Variants in DYNC1H1 observed in about 807,000 individuals in gnomAD.
DYNC1H1 encodes dynein cytoplasmic 1 heavy chain 1.
DYNC1H1 carries 51 observed loss-of-function variants against 527.1 expected under a neutral mutation model. The observed-to-expected ratio is 0.10, with a 90% CI of 0.08 to 0.12. The LOEUF (loss-of-function observed/expected upper bound fraction) is 0.12, where lower values mean the gene tolerates loss of function less well. DYNC1H1 is among the 10% of genes least tolerant of loss of function. The pLI, the probability that DYNC1H1 is intolerant of heterozygous loss-of-function variation, is 1.00. For synonymous variants in DYNC1H1, 2,189 were observed against 2,278.8 expected (o/e 0.96, Z 1.12); for missense variants, 2,771 against 5,971.8 (o/e 0.46, Z 17.66).
rs1035588666 is a variant in DYNC1H1 at position 102,000,939 on chromosome 14, T to A, written c.4075-15T>A. Reference sequence around the variant, plus strand: ...TGTTGGCAAGCTAAATAGCATCTTATGTTTCTCTCGACAGCTTCGACAAAA... The same window carrying A: ...TGTTGGCAAGCTAAATAGCATCTTAAGTTTCTCTCGACAGCTTCGACAAAA... On this transcript the variant is annotated splice_polypyrimidine_tract_variant and intron_variant, in intron 18 of 77. Transcript: ENST00000360184. The A allele has an allele frequency of 1.2e-6, 2 of 1,606,640 alleles. No homozygotes were observed. Among genetic ancestry groups the A allele is most frequent in the African/African-American group, 2.7e-5 (2 of 74,772 alleles).
chr14:101,978,977 A>G (rs1403504049), intron 2 of DYNC1H1, among the ~76,000 whole-genome samples: 2 of 152,242 alleles, frequency 1.3e-5, no homozygotes, highest in South Asian at 4.1e-4. Flanking sequence ...TATCACCTTA[A>G]CCAGTGAGCA....
chr14:102,026,843 CTCT>C, intron 44 of DYNC1H1, 136 bp downstream of exon 44: 1 of 1,320,094 alleles, frequency 7.6e-7, no homozygotes, highest in Non-Finnish European at 1.1e-6. Flanking sequence ...CTTCCCCCTT[CTCT>C]TCTTTCTAAG....
chr14:102,047,856 T>C lies in DYNC1H1; in HGVS notation c.13046T>C (p.Leu4349Ser). 1 of 1,613,260 alleles carries C rather than the reference T, an allele frequency of 6.2e-7. No homozygotes were observed. The highest frequency in any genetic ancestry group is 8.5e-7 in the Non-Finnish European group (1 of 1,179,940). The change falls in exon 73 of 78, where the codon TTG (leucine) becomes TCG (serine). Residue 4349 changes from leucine to serine, a missense_variant. Coordinates refer to ENST00000360184, the MANE Select transcript of DYNC1H1 (RefSeq NM_001376.5). ...AGTAAAATGCTGAAGATGCAGATGT[T>C]GGAGGATGAGGACGACCTGGCCTAC... ...MISKMLKMQM[L>S]EDEDDLAYAE...
rs1394014916 is a variant in DYNC1H1 at position 102,005,278 on chromosome 14, T to TA, written c.5433+43dup. On this transcript the variant is annotated intron_variant, in intron 26 of 77. Coordinates refer to ENST00000360184, the MANE Select transcript of DYNC1H1 (RefSeq NM_001376.5). This position sits in a 1 kb window ranked among gnomAD's most constrained non-coding sequence, Gnocchi z 4.0. The stretch of plus-strand genomic sequence containing the variant: ...ACTCCTTCCTTACCAGTTAGACTCT[T>TA]ACACCCTCAACCACACAGTTAAATG... 2 of 1,610,372 alleles carry TA rather than the reference T, an allele frequency of 1.2e-6. No homozygotes were observed. Among genetic ancestry groups the TA allele is most frequent in the African/African-American group, 2.7e-5 (2 of 74,876 alleles).
chr14:102,030,404 TATC>T, intron 51 of DYNC1H1, 122 bp downstream of exon 51: 1 of 1,453,040 alleles, frequency 6.9e-7, no homozygotes, highest in South Asian at 1.2e-5. Flanking sequence ...TTTCCAAAAA[TATC>T]ATTAGTAACC....
In DYNC1H1 at chr14:102,022,983, C is replaced by T. The variant is rs563892616; in HGVS notation, c.8637+103C>T. The T allele has an allele frequency of 6.4e-6, 10 of 1,557,862 alleles. No individual in the cohort carries two copies. The East Asian group carries it at 2.3e-4, about 36-fold the overall frequency. The stretch of plus-strand genomic sequence containing the variant: ...TCTTCTACTCAAAAATATCTTTAGG[C>T]TGGGTATGGTGTCTCACACCTGTAA... On this transcript the variant is annotated intron_variant, in intron 43 of 77. Coordinates refer to ENST00000360184, the MANE Select transcript of DYNC1H1 (RefSeq NM_001376.5).
At chr14:102,022,979 T>G in intron 43 of DYNC1H1, 99 bp downstream of exon 43, 1 of 1,567,884 alleles carries the variant, frequency 6.4e-7, no homozygotes, top group Non-Finnish European at 8.7e-7. Context: ...AAAATATCTT[T>G]AGGCTGGGTA....
Position 101,979,181 on chromosome 14 carries a change from C to T in DYNC1H1, c.345-138C>T, listed in dbSNP as rs1275321752. On this transcript the variant is annotated intron_variant, in intron 2 of 77. Transcript: ENST00000360184. This position sits in a 1 kb window ranked among gnomAD's most constrained non-coding sequence, Gnocchi z 4.6. ...ACCATAACCTTGATTCAGTAGCTCT[C>T]ATGTACTAAAGAAAGACAAGCAGTG... 10 of 825,802 alleles carry T rather than the reference C, an allele frequency of 1.2e-5. No individual in the cohort carries two copies. The highest frequency in any genetic ancestry group is 1.9e-5 in the Non-Finnish European group (10 of 526,552). 51.2% of individuals were successfully genotyped at this position (825,802 alleles called of 1,614,324 possible). A position where few individuals can be genotyped will look rare whatever the true frequency, so the allele number is the denominator to read the frequency against.
At position 102,012,778 on chromosome 14, in the gene DYNC1H1, T is replaced by C. The variant is rs1457523358; in HGVS notation, c.7014+308T>C. 3 of 407,996 alleles carry C rather than the reference T, an allele frequency of 7.4e-6. No homozygotes were observed. The highest frequency in any genetic ancestry group is 2.2e-5 in the South Asian group (1 of 45,688). The allele number at this position is 407,996 out of a possible 1,614,324, so 25.3% of individuals were successfully genotyped here. ...TTAAGGTTTCTTAAGCTGTTATACA[T>C]CTAGAGAGCTGGGAAAATGAGAAAT... On this transcript the variant is annotated intron_variant, in intron 34 of 77. Transcript: ENST00000360184. The surrounding 1 kb of genome is among the most constrained non-coding windows in gnomAD (Gnocchi z 4.9).
Position 102,001,449 on chromosome 14 carries a change from C to T in DYNC1H1, c.4396-86C>T, listed in dbSNP as rs944956502. 3.7e-6 allele frequency: 6 copies of T among 1,612,958 alleles called. No homozygotes were observed. The highest frequency in any genetic ancestry group is 1.7e-6 in the Non-Finnish European group (2 of 1,179,258). On this transcript the variant is annotated intron_variant, in intron 20 of 77. Coordinates refer to ENST00000360184, the MANE Select transcript of DYNC1H1 (RefSeq NM_001376.5). This position sits in a 1 kb window ranked among gnomAD's most constrained non-coding sequence, Gnocchi z 5.0. ...AAATGGAGCCTTGTCATCTGTGGTCCTTTTGGTTCTTATAATGCTGGGTCC... is the reference window on the plus strand; with the variant it reads ...AAATGGAGCCTTGTCATCTGTGGTCTTTTTGGTTCTTATAATGCTGGGTCC...
intron 15 of DYNC1H1, 81 bp downstream of exon 15, chr14:101,995,381 G>A (rs2141281232): frequency 1.3e-6 from 2 of 1,559,224 alleles, no homozygotes; most frequent in South Asian, 2.2e-5. Context: ...GGAGGCCGAG[G>A]CGGGCGGATC....
At position 102,041,810 on chromosome 14, in the gene DYNC1H1, G is replaced by A; in HGVS notation, c.12102+76G>A. On this transcript the variant is annotated intron_variant, in intron 65 of 77. Coordinates refer to ENST00000360184, the MANE Select transcript of DYNC1H1 (RefSeq NM_001376.5). The surrounding 1 kb of genome is among the most constrained non-coding windows in gnomAD (Gnocchi z 4.5). ...CCCAGCCACAGGTGGCAGCAGCCCTGGCATCTGCTCTCACTCCGGGCTACA... is the reference window on the plus strand; with the variant it reads ...CCCAGCCACAGGTGGCAGCAGCCCTAGCATCTGCTCTCACTCCGGGCTACA... 2 of 1,607,258 alleles carry A rather than the reference G, an allele frequency of 1.2e-6. No homozygotes were observed. The highest frequency in any genetic ancestry group is 1.1e-5 in the South Asian group (1 of 90,474).
intron 74 of DYNC1H1, 132 bp downstream of exon 74, chr14:102,048,801 T>C (rs1375932106): frequency 1.4e-5 from 6 of 422,712 alleles, no homozygotes; most frequent in African/African-American, 2.6e-5. Flanking sequence ...AGCTCTGTGC[T>C]CTTACCCTCA....
chr14:101,991,727 C>G, intron 11 of DYNC1H1, 54 bp downstream of exon 11: 1 of 1,607,820 alleles, frequency 6.2e-7, no homozygotes, highest in Non-Finnish European at 8.5e-7. Flanking sequence ...CTCATGGGCT[C>G]TGTGATACCA....
chr14:102,042,553 G>C lies in DYNC1H1; in HGVS notation c.12399+46G>C. 1 of 1,613,808 alleles carries C rather than the reference G, an allele frequency of 6.2e-7. No individual in the cohort carries two copies. The highest frequency in any genetic ancestry group is 8.5e-7 in the Non-Finnish European group (1 of 1,179,918). The stretch of plus-strand genomic sequence containing the variant: ...AGACGTTGCAGGCTGGCCTGGCACT[G>C]TGCTGTCGGCACGTGTGTGGTGGAA... On this transcript the variant is annotated intron_variant, in intron 68 of 77. Coordinates refer to ENST00000360184, the MANE Select transcript of DYNC1H1 (RefSeq NM_001376.5). The surrounding 1 kb of genome is among the most constrained non-coding windows in gnomAD (Gnocchi z 5.7).
At chr14:102,006,207 A>G in intron 27 of DYNC1H1, 37 bp downstream of exon 27, 1 of 1,608,532 alleles carries the variant, frequency 6.2e-7, no homozygotes, top group Non-Finnish European at 8.5e-7. Flanking sequence ...ATGGAATCAT[A>G]TATTAAAATG....
In DYNC1H1 at chr14:102,028,132, T is replaced by G. The variant is rs1282667993; in HGVS notation, c.9459T>G (p.Thr3153=). The G allele has an allele frequency of 6.2e-7, 1 of 1,613,920 alleles. No individual in the cohort carries two copies. Among genetic ancestry groups the G allele is most frequent in the African/African-American group, 1.3e-5 (1 of 74,932 alleles). ...ACAGCTGTGTGTTTGTTCATCAGAC[T>G]CTTCACCAGGTGGGTTCAGTTTTGA... ...IVNSCVFVHQ[T]LHQANARLAK... The change falls in exon 48 of 78, where the codon ACT becomes ACG. Residue 3153 remains threonine (T), a synonymous_variant. Coordinates refer to ENST00000360184, the MANE Select transcript of DYNC1H1 (RefSeq NM_001376.5).
chr14:102,040,569 C>T, intron 63 of DYNC1H1, 29 bp from the exon 64 acceptor site: 1 of 1,614,084 alleles, frequency 6.2e-7, no homozygotes, highest in Non-Finnish European at 8.5e-7. Flanking sequence ...AGCCCTGCTC[C>T]ATGGGTGCTT....
intron 56 of DYNC1H1, 89 bp downstream of exon 56, chr14:102,034,541 G>A: frequency 6.2e-7 from 1 of 1,601,988 alleles, no homozygotes; most frequent in South Asian, 1.1e-5. Flanking sequence ...TTTGAAGAGA[G>A]GAATAGAAAA....
Sources: allele counts gnomAD v4.1 joint callset (sites outside exome capture counted in the v4.1 genomes callset), GRCh38; gene constraint gnomAD v4.1.1; non-coding constraint Gnocchi (gnomAD v3.1); transcripts MANE v1.5; gene names NCBI Gene and HGNC (gene_info 2026-07-23, HGNC 2026-07-21).